Variants in RAB3GAP2 observed in about 807,000 individuals in gnomAD.
The protein encoded by RAB3GAP2 is rab3 GTPase-activating protein non-catalytic subunit.
In RAB3GAP2, 87 loss-of-function variants were observed where a neutral mutation model predicts 185.3. The ratio of observed to expected loss-of-function variants is 0.47; its 90% CI spans 0.39 to 0.56. RAB3GAP2 has a LOEUF of 0.56. RAB3GAP2 is among the 20% of genes least tolerant of loss of function. RAB3GAP2 has a pLI of 0.00. For missense variants in RAB3GAP2, 1,492 were observed against 1,638.2 expected (o/e 0.91, Z 1.54); for synonymous variants, 554 against 576.1 (o/e 0.96, Z 0.55).
intron 1 of RAB3GAP2, among the ~76,000 whole-genome samples, chr1:220,242,644 A>C (rs1020034224): frequency 6.6e-6 from 1 of 152,232 alleles, no homozygotes; most frequent in Non-Finnish European, 1.5e-5. Context: ...TTTTGCAGTT[A>C]TAAGCACTTC....
chr1:220,213,959 G>A lies in RAB3GAP2; in HGVS notation c.201C>T (p.Cys67=). Residue 67 remains cysteine (C), a synonymous_variant, in exon 3 of 35, where the codon TGC becomes TGT. Transcript: ENST00000358951. Reference sequence around the variant, plus strand: ...GGAGCCAGGAAGTTTTTTGTGTTTTGCAAGTATTTCCTTCTTCTTCCTGTG... The same window carrying A: ...GGAGCCAGGAAGTTTTTTGTGTTTTACAAGTATTTCCTTCTTCTTCCTGTG... ...PQEPEEEGNT[C]KTQKTSWLQD... The A allele has an allele frequency of 6.2e-7, 1 of 1,613,160 alleles. No homozygotes were observed. The highest frequency in any genetic ancestry group is 1.1e-5 in the South Asian group (1 of 91,030).
At chr1:220,170,142 G>A (rs371932089) in intron 24 of RAB3GAP2, among the ~76,000 whole-genome samples, 10 of 152,186 alleles carry the variant, frequency 6.6e-5, no homozygotes, top group Admixed American at 5.2e-4. Flanking sequence ...GCTGGAAACC[G>A]TCATTCTCAG....
At chr1:220,254,385 A>G (rs1659995908) in intron 1 of RAB3GAP2, 1 of 1,613,084 alleles carries the variant, frequency 6.2e-7, no homozygotes, top group Non-Finnish European at 8.5e-7. Flanking sequence ...GAATTGGAGC[A>G]ATGTTGGCCT....
intron 28 of RAB3GAP2, among the ~76,000 whole-genome samples, chr1:220,159,887 T>C (rs1214034830): frequency 6.6e-6 from 1 of 151,886 alleles, no homozygotes; most frequent in Non-Finnish European, 1.5e-5. Flanking sequence ...CGTGGTGGCA[T>C]GCACCTGTAG....
intron 26 of RAB3GAP2, among the ~76,000 whole-genome samples, chr1:220,166,826 T>TTCAGGACCTTCAC (rs1377403763): frequency 6.6e-6 from 1 of 152,230 alleles, no homozygotes; most frequent in African/African-American, 2.4e-5. Flanking sequence ...AGACACTAGG[T>TTCAGGACCTTCAC]TGATCTCAGG....
intron 31 of RAB3GAP2, among the ~76,000 whole-genome samples, chr1:220,155,745 C>A (rs1657845070): frequency 1.3e-5 from 2 of 152,168 alleles, no homozygotes; most frequent in African/African-American, 2.4e-5. Flanking sequence ...TGTCACCCAG[C>A]TGTCTCAGGT....
At position 220,163,740 on chromosome 1, in the gene RAB3GAP2, CATACATATATATATATATATAT is replaced by C. The variant is rs1658009017; in HGVS notation, c.3154+971_3154+992del. 3.3e-5 allele frequency among the ~76,000 whole-genome samples: 3 copies of C among 90,160 alleles called. 1 individual carries two copies. 59.1% of individuals were successfully genotyped at this position (90,160 alleles called of 152,430 possible). A position where few individuals can be genotyped will look rare whatever the true frequency, so the allele number is the denominator to read the frequency against. On this transcript the variant is annotated intron_variant, in intron 27 of 34. Coordinates refer to ENST00000358951, the MANE Select transcript of RAB3GAP2 (RefSeq NM_012414.4). ...ATCAGTCAAGGTAAATATATAAATA[CATACATATATATATATATATAT>C]ATATATATATAGGATGAAGGTAAGA...
At chr1:220,264,924 CTTATT>C (rs767107621) in intron 1 of RAB3GAP2, among the ~76,000 whole-genome samples, 3 of 152,030 alleles carry the variant, frequency 2.0e-5, no homozygotes, top group Admixed American at 6.6e-5. Context: ...GCTTGAGGGA[CTTATT>C]TTATTTATCT....
At chr1:220,262,852 AT>A (rs1030925055) in intron 1 of RAB3GAP2, among the ~76,000 whole-genome samples, 61 of 152,224 alleles carry the variant, frequency 4.0e-4, no homozygotes, top group African/African-American at 1.4e-3. Flanking sequence ...GGATCATATA[AT>A]TTTTTTAAAA....
chr1:220,192,725 C>G (rs2102870622), intron 13 of RAB3GAP2, among the ~76,000 whole-genome samples: 1 of 152,258 alleles, frequency 6.6e-6, no homozygotes, highest in East Asian at 1.9e-4. Flanking sequence ...AGGAAGAAGA[C>G]TGGGTTCCTG....
At chr1:220,256,227 G>C (rs912748172) in intron 1 of RAB3GAP2, among the ~76,000 whole-genome samples, 1 of 152,118 alleles carries the variant, frequency 6.6e-6, no homozygotes, top group Non-Finnish European at 1.5e-5. Flanking sequence ...GTTACCACCA[G>C]GCCTGCCTTG....
chr1:220,272,183 G>A (rs1055350474), intron 1 of RAB3GAP2, 40 bp downstream of exon 1: 1 of 1,523,676 alleles, frequency 6.6e-7, no homozygotes, highest in Non-Finnish European at 9.0e-7. Context: ...GAGGCCGCGG[G>A]TGACGAGGGA....
chr1:220,238,972 T>C (rs1659642884), intron 1 of RAB3GAP2, among the ~76,000 whole-genome samples: 1 of 152,166 alleles, frequency 6.6e-6, no homozygotes, highest in African/African-American at 2.4e-5. Context: ...CATAAAAGTA[T>C]CATAAGTACT....
At chr1:220,218,372 A>T (rs1659238539) in intron 2 of RAB3GAP2, among the ~76,000 whole-genome samples, 1 of 152,182 alleles carries the variant, frequency 6.6e-6, no homozygotes, top group Non-Finnish European at 1.5e-5. Flanking sequence ...ATACGATAAT[A>T]TTATTATATC....
rs1657688016 is a variant in RAB3GAP2 at position 220,149,014 on chromosome 1, A to C, written c.*2237T>G. The C allele has an allele frequency of 6.6e-6, 1 of 152,190 alleles. No homozygotes were observed. The highest frequency in any genetic ancestry group is 2.4e-5 in the African/African-American group (1 of 41,440). 9.4% of individuals were successfully genotyped at this position (152,190 alleles called of 1,614,324 possible). On this transcript the variant is annotated 3_prime_UTR_variant, in exon 35 of 35. Transcript: ENST00000358951. ...ACTGGTTACTGGCTTCTCATCAATA[A>C]CTACAAAGTACCACATACCTTTGTT... is the stretch of plus-strand genomic sequence containing the variant.
intron 1 of RAB3GAP2, among the ~76,000 whole-genome samples, chr1:220,238,267 G>A (rs893126925): frequency 1.3e-5 from 2 of 152,108 alleles, no homozygotes; most frequent in African/African-American, 4.8e-5. Flanking sequence ...CTGGTGATGT[G>A]TGTTTTACAT....
chr1:220,242,444 C>T (rs917863477), intron 1 of RAB3GAP2, among the ~76,000 whole-genome samples: 1 of 151,660 alleles, frequency 6.6e-6, no homozygotes, highest in Non-Finnish European at 1.5e-5. Context: ...ACAAATGCAA[C>T]ACAAGGCTGA....
intron 1 of RAB3GAP2, among the ~76,000 whole-genome samples, chr1:220,238,862 T>A (rs963638588): frequency 6.6e-6 from 1 of 152,256 alleles, no homozygotes; most frequent in African/African-American, 2.4e-5. Context: ...TTAGTTAACA[T>A]GTACTTATCT....
At chr1:220,253,912 CAG>C (rs2102525599) in intron 1 of RAB3GAP2, 1 of 1,613,716 alleles carries the variant, frequency 6.2e-7, no homozygotes, top group East Asian at 2.2e-5. Flanking sequence ...AAAGAACAAA[CAG>C]AAAACACCTG....
Sources: gnomAD v4.1 joint callset for allele counts (sites outside exome capture counted in the v4.1 genomes callset) on GRCh38, gnomAD v4.1.1 for gene constraint, MANE v1.5 for transcripts, NCBI Gene and HGNC (gene_info 2026-07-23, HGNC 2026-07-21) for gene names.